The following RFLNA variants were observed in gnomAD, a reference collection of about 807,000 sequenced individuals.
RFLNA encodes refilin A, also known as refilin-A.
A neutral mutation model predicts 7.8 loss-of-function variants in RFLNA; 5 were observed. The ratio of observed to expected loss-of-function variants is 0.64; its 90% CI spans 0.34 to 1.35. RFLNA has a LOEUF of 1.35. Among genes scored for constraint, RFLNA ranks in the 40% most tolerant of loss-of-function variants. RFLNA has a pLI of 0.04. For synonymous variants in RFLNA, 141 were observed against 131.3 expected, an observed-to-expected ratio of 1.07 and a Z score of -0.50; for missense variants, 278 against 305.5, an observed-to-expected ratio of 0.91 and a Z score of 0.67.
chr12:124,311,415 A>G (rs1475360159), intron 1 of RFLNA, among the ~76,000 whole-genome samples: 1 of 152,216 alleles, frequency 6.6e-6, no homozygotes, highest in Admixed American at 6.5e-5. Context: ...GGTGGTACCA[A>G]GAAGGGCTGG....
intron 1 of RFLNA, among the ~76,000 whole-genome samples, chr12:124,299,783 T>G (rs1368844317): frequency 6.6e-6 from 1 of 152,124 alleles, no homozygotes; most frequent in African/African-American, 2.4e-5. Flanking sequence ...TCACAGATAT[T>G]TAAAGCGGGG....
chr12:124,292,565 T>C (rs2033839786), upstream of RFLNA, among the ~76,000 whole-genome samples: 1 of 152,222 alleles, frequency 6.6e-6, no homozygotes, highest in African/African-American at 2.4e-5. Context: ...CGGATCTGAA[T>C]AGGTCAGAGG....
rs1437829209 is a variant in RFLNA, at chr12:124,296,737, C to T, written c.207+1101C>T. Among the ~76,000 whole-genome samples the T allele has an allele frequency of 4.6e-5, 7 of 152,274 alleles. No individual in the cohort carries two copies. The South Asian group carries it at 1.0e-3, about 23-fold the overall frequency. ...TAGCCTGGTGGGTCCCAAACTTGGTCGCCCATTGGAATCACTTGGAGAATC... is the reference window on the plus strand; with the variant it reads ...TAGCCTGGTGGGTCCCAAACTTGGTTGCCCATTGGAATCACTTGGAGAATC... On this transcript the variant is annotated intron_variant, in intron 1 of 2. Transcript: ENST00000546355.
rs2034322045 is a variant in RFLNA, at chr12:124,314,804, G to A, written c.*279G>A. ...GTAGGGGCATGCACTGTTAGGTGGT[G>A]GCCACCCCCAGGGTCAGGGGAAAAG... On this transcript the variant is annotated 3_prime_UTR_variant, in exon 3 of 3. Transcript: ENST00000546355. 5 of 648,282 alleles carry A rather than the reference G, an allele frequency of 7.7e-6. No individual in the cohort carries two copies. The highest frequency in any genetic ancestry group is 6.0e-5 in the South Asian group (4 of 66,220). 40.2% of individuals were successfully genotyped at this position (648,282 alleles called of 1,614,324 possible). A position where few individuals can be genotyped will look rare whatever the true frequency, so the allele number is the denominator to read the frequency against.
At chr12:124,311,532 G>A (rs2034243422) in intron 1 of RFLNA, among the ~76,000 whole-genome samples, 1 of 152,228 alleles carries the variant, frequency 6.6e-6, no homozygotes, top group Non-Finnish European at 1.5e-5. Context: ...TGGCCTTGAG[G>A]TTGCAGTGAG....
In RFLNA at chr12:124,314,703, G is replaced by C; in HGVS notation, c.*178G>C. The C allele has an allele frequency of 9.7e-7, 1 of 1,027,722 alleles. No homozygotes were observed. Among genetic ancestry groups the C allele is most frequent in the Non-Finnish European group, 1.5e-6 (1 of 683,064 alleles). The allele number at this position is 1,027,722 out of a possible 1,614,324, so 63.7% of individuals were successfully genotyped here. A position where few individuals can be genotyped will look rare whatever the true frequency, so the allele number is the denominator to read the frequency against. ...GCTGCCTGCCCTGACCTACAGGCTA[G>C]GTGGTGGTCTCCTTGTTTTGGTGTC... On this transcript the variant is annotated 3_prime_UTR_variant, in exon 3 of 3. Transcript: ENST00000546355.
chr12:124,296,106 TTC>T (rs1370657327), intron 1 of RFLNA, among the ~76,000 whole-genome samples: 2 of 4,016 alleles, frequency 5.0e-4, no homozygotes, highest in Non-Finnish European at 6.0e-3. Context: ...CTTTCTTTCT[TTC>T]TTTCTTTCTT....
chr12:124,302,992 G>T (rs1377727889), intron 1 of RFLNA, among the ~76,000 whole-genome samples: 1 of 152,158 alleles, frequency 6.6e-6, no homozygotes, highest in Non-Finnish European at 1.5e-5. Flanking sequence ...GGGAGGGGGG[G>T]CTCTGGGTAC....
upstream of RFLNA, among the ~76,000 whole-genome samples, chr12:124,293,538 G>A (rs1204280991): frequency 1.3e-5 from 2 of 152,132 alleles, no homozygotes; most frequent in African/African-American, 4.8e-5. Context: ...GTGGCCCAAG[G>A]GCTGAAGAGG....
At chr12:124,292,658 G>C (rs558816771), upstream of RFLNA, among the ~76,000 whole-genome samples, 167 of 152,284 alleles carry the variant, frequency 1.1e-3, 1 homozygote, top group Non-Finnish European at 2.1e-3. Context: ...CTGCTGTCTG[G>C]TGTGCACATA....
At chr12:124,300,060 A>AGAGGTGATAAGGACTC (rs2033998765) in intron 1 of RFLNA, among the ~76,000 whole-genome samples, 6 of 152,064 alleles carry the variant, frequency 3.9e-5, no homozygotes. Flanking sequence ...TTGGGATCTT[A>AGAGGTGATAAGGACTC]CATTGTGTTC....
intron 2 of RFLNA, 66 bp from the exon 3 acceptor site, chr12:124,314,126 C>CTGACA (rs2034303583): frequency 1.9e-6 from 3 of 1,540,934 alleles, no homozygotes; most frequent in Admixed American, 3.7e-5. Context: ...CGTGTCCATG[C>CTGACA]TGAGGGCAGG....
At chr12:124,293,947 G>A (rs937171336), upstream of RFLNA, among the ~76,000 whole-genome samples, 1 of 152,158 alleles carries the variant, frequency 6.6e-6, no homozygotes, top group Non-Finnish European at 1.5e-5. Context: ...ACTATTCTTG[G>A]TTGCAGCACC....
At chr12:124,301,741 G>A (rs560376253) in intron 1 of RFLNA, among the ~76,000 whole-genome samples, 1 of 152,288 alleles carries the variant, frequency 6.6e-6, no homozygotes, top group East Asian at 1.9e-4. Context: ...GGGGAAGTGG[G>A]AGACCCTGCC....
intron 1 of RFLNA, among the ~76,000 whole-genome samples, chr12:124,309,106 G>A (rs987206204): frequency 3.3e-5 from 5 of 152,184 alleles, no homozygotes; most frequent in Non-Finnish European, 1.5e-5. Flanking sequence ...GGCTGAGGGC[G>A]TGCGGGTGTC....
chr12:124,304,520 C>T lies in RFLNA; in HGVS notation c.208-7298C>T, dbSNP rs540842758. ...CCGGGCGGAAAGGGGCTGCCTTTGTCGGCGCCCACGTTCCAGGTGTGGTGG... is the reference window on the plus strand; with the variant it reads ...CCGGGCGGAAAGGGGCTGCCTTTGTTGGCGCCCACGTTCCAGGTGTGGTGG... On this transcript the variant is annotated intron_variant, in intron 1 of 2. Coordinates refer to ENST00000546355, the MANE Select transcript of RFLNA (RefSeq NM_001365156.1). Among the ~76,000 whole-genome samples, 10 of 152,362 alleles carry T rather than the reference C, an allele frequency of 6.6e-5. No individual in the cohort carries two copies. In the South Asian group the frequency reaches 1.2e-3, roughly 19 times the overall value.
intron 1 of RFLNA, among the ~76,000 whole-genome samples, chr12:124,301,427 G>A (rs985523450): frequency 2.6e-5 from 4 of 152,220 alleles, no homozygotes; most frequent in African/African-American, 9.6e-5. Flanking sequence ...CAGACAGACT[G>A]GGGGCAGCTT....
chr12:124,299,545 C>G (rs2033990250), intron 1 of RFLNA, among the ~76,000 whole-genome samples: 1 of 152,212 alleles, frequency 6.6e-6, no homozygotes, highest in South Asian at 2.1e-4. Context: ...TCCATTGTGT[C>G]ATTCTTATGC....
upstream of RFLNA, among the ~76,000 whole-genome samples, chr12:124,295,031 G>A (rs2033880005): frequency 6.6e-6 from 1 of 152,118 alleles, no homozygotes; most frequent in East Asian, 1.9e-4. Context: ...CGCAGGCCGG[G>A]GCGGGGAGAG....
Sources: gnomAD v4.1 joint callset for allele counts (sites outside exome capture counted in the v4.1 genomes callset) on GRCh38, gnomAD v4.1.1 for gene constraint, MANE v1.5 for transcripts, NCBI Gene and HGNC (gene_info 2026-07-23, HGNC 2026-07-21) for gene names.